DLG2: variants seen among roughly 807,000 people sequenced by gnomAD.
DLG2 encodes discs large MAGUK scaffold protein 2, also known as disks large homolog 2.
Under a neutral mutation model 132.5 loss-of-function variants are expected in DLG2, and 45 were observed. That is an observed-to-expected ratio of 0.34 (90% CI 0.27 to 0.44). The LOEUF (loss-of-function observed/expected upper bound fraction) is 0.44. Among genes scored for constraint, DLG2 ranks in the 20% least tolerant of loss-of-function variants. The pLI is 1.00. For synonymous variants in DLG2, 424 were observed against 419.6 expected, an observed-to-expected ratio of 1.01 and a Z score of -0.13; for missense variants, 1,045 against 1,196.9, an observed-to-expected ratio of 0.87 and a Z score of 1.87.
intron 7 of DLG2, among the ~76,000 whole-genome samples, chr11:84,495,804 T>C (rs2099181309): frequency 6.6e-6 from 1 of 152,194 alleles, no homozygotes; most frequent in South Asian, 2.1e-4. Flanking sequence ...CTTTGCTCAC[T>C]GAAGCAAATG....
At chr11:85,373,243 C>CCTT (rs1487419102) in intron 3 of DLG2, among the ~76,000 whole-genome samples, 1 of 152,092 alleles carries the variant, frequency 6.6e-6, no homozygotes, top group Non-Finnish European at 1.5e-5. Flanking sequence ...TTTGAGCTGT[C>CCTT]CTTAACCCTC....
At chr11:83,824,061 T>C (rs2051722349) in intron 17 of DLG2, among the ~76,000 whole-genome samples, 1 of 152,338 alleles carries the variant, frequency 6.6e-6, no homozygotes, top group Middle Eastern at 3.4e-3. Flanking sequence ...ACAAATTATT[T>C]AATTTCTCTG....
intron 19 of DLG2, among the ~76,000 whole-genome samples, chr11:83,611,736 C>T (rs2060140347): frequency 6.6e-6 from 1 of 152,200 alleles, no homozygotes; most frequent in Admixed American, 6.5e-5. Context: ...CTTAACTATT[C>T]TCTTCTTTGT....
chr11:85,427,358 G>A (rs2090839234), intron 3 of DLG2, among the ~76,000 whole-genome samples: 1 of 152,168 alleles, frequency 6.6e-6, no homozygotes, highest in Non-Finnish European at 1.5e-5. Context: ...AGGAAAAAAT[G>A]TTAAGGGCAG....
intron 6 of DLG2, among the ~76,000 whole-genome samples, chr11:84,883,222 C>T (rs1424201832): frequency 6.6e-6 from 1 of 151,986 alleles, no homozygotes; most frequent in African/African-American, 2.4e-5. Context: ...GAAAACCAAA[C>T]ACCGCATGTT....
intron 4 of DLG2, among the ~76,000 whole-genome samples, chr11:85,178,839 G>GATAA: frequency 6.6e-6 from 1 of 151,852 alleles, no homozygotes; most frequent in Non-Finnish European, 1.5e-5. Flanking sequence ...ATCTAAAATA[G>GATAA]ATAAAGAGCT....
intron 6 of DLG2, among the ~76,000 whole-genome samples, chr11:84,998,630 G>A (rs996800492): frequency 6.6e-5 from 10 of 152,048 alleles, no homozygotes; most frequent in African/African-American, 2.2e-4. Context: ...CAGTAATTTG[G>A]CACCAAGAAA....
chr11:85,106,879 C>A (rs2071843182), intron 6 of DLG2, among the ~76,000 whole-genome samples: 2 of 152,090 alleles, frequency 1.3e-5, no homozygotes, highest in East Asian at 3.9e-4. Flanking sequence ...CAAAATCCAA[C>A]TTAAGGCAAC....
At chr11:84,138,652 G>C (rs943023605) in intron 9 of DLG2, among the ~76,000 whole-genome samples, 1 of 152,074 alleles carries the variant, frequency 6.6e-6, no homozygotes, top group Admixed American at 6.5e-5. Flanking sequence ...CTACAACTAG[G>C]AAACATTCAC....
At chr11:84,843,065 T>C (rs1282686783) in intron 6 of DLG2, among the ~76,000 whole-genome samples, 3 of 151,980 alleles carry the variant, frequency 2.0e-5, no homozygotes, top group South Asian at 2.1e-4. Flanking sequence ...CTGTACAACA[T>C]AGTGCCTATA....
chr11:83,986,768 G>A (rs2093349911), intron 11 of DLG2, among the ~76,000 whole-genome samples: 1 of 152,116 alleles, frequency 6.6e-6, no homozygotes, highest in Admixed American at 6.6e-5. Context: ...GGTGTGAGAT[G>A]GTATCTCATT....
At chr11:83,964,884 G>A (rs750004456) in intron 13 of DLG2, among the ~76,000 whole-genome samples, 9 of 151,794 alleles carry the variant, frequency 5.9e-5, no homozygotes, top group Admixed American at 2.0e-4. Context: ...TCATAATTTC[G>A]CCATTCAATT....
intron 3 of DLG2, among the ~76,000 whole-genome samples, chr11:85,492,607 A>C (rs897732780): frequency 6.6e-6 from 1 of 152,208 alleles, no homozygotes; most frequent in Non-Finnish European, 1.5e-5. Context: ...TACAGAAAAT[A>C]GATTTATACA....
intron 8 of DLG2, among the ~76,000 whole-genome samples, chr11:84,169,128 TA>T (rs1168846929): frequency 1.3e-5 from 2 of 152,188 alleles, no homozygotes; most frequent in South Asian, 2.1e-4. Context: ...AGAATAGTAC[TA>T]AAAATAGTTC....
rs1174056380 is a variant in DLG2 at position 83,734,400 on chromosome 11, CTT to C, written c.1825+52288_1825+52289del. On this transcript the variant is annotated intron_variant, in intron 18 of 27. Coordinates refer to ENST00000376104, the MANE Select transcript of DLG2 (RefSeq NM_001142699.3). ...CCTTCCTTCCTTCCTTCCTTCCTTC[CTT>C]CCTTCCCTCCCTCCTTCCCTCCCTC... Among the ~76,000 whole-genome samples the C allele has an allele frequency of 2.3e-4, 33 of 144,914 alleles. 1 individual carries two copies. In the East Asian group the frequency reaches 3.0e-3, roughly 13 times the overall value.
rs59038372 is a variant in DLG2 at position 84,373,265 on chromosome 11, C to CAAAAACAAAA, written c.520-121975_520-121974insTTTTGTTTTT. 3.8e-4 allele frequency among the ~76,000 whole-genome samples: 37 copies of CAAAAACAAAA among 98,052 alleles called. 3 individuals carry two copies. The highest frequency in any genetic ancestry group is 3.6e-3 in the East Asian group (12 of 3,318). The allele number at this position is 98,052 out of a possible 152,430, so 64.3% of individuals were successfully genotyped here. A position where few individuals can be genotyped will look rare whatever the true frequency, so the allele number is the denominator to read the frequency against. On this transcript the variant is annotated intron_variant, in intron 7 of 27. Transcript: ENST00000376104. Reference sequence around the variant, plus strand: ...AGAAACAGTCAAAAAAAAAAAAAAACAAAACAAAAAAAAAACCCACCAGGC... The same window carrying CAAAAACAAAA: ...AGAAACAGTCAAAAAAAAAAAAAAACAAAAACAAAAAAAACAAAAAAAAAACCCACCAGGC...
At chr11:85,247,565 T>TA (rs570801374) in intron 4 of DLG2, among the ~76,000 whole-genome samples, 6 of 151,978 alleles carry the variant, frequency 3.9e-5, no homozygotes, top group South Asian at 4.2e-4. Context: ...AGTAATTGAA[T>TA]AAAAAAAATT....
rs142761719 is a variant in DLG2, at chr11:85,320,033, A to C, written c.41-34668T>G. Among the ~76,000 whole-genome samples the C allele has an allele frequency of 2.2e-4, 33 of 151,954 alleles. No homozygotes were observed. In the East Asian group the frequency reaches 6.0e-3, roughly 28 times the overall value. On this transcript the variant is annotated intron_variant, in intron 3 of 27. Transcript: ENST00000376104. ...TGAGATGAAGGTAGAAAAATTTCTT[A>C]AACCATGCTCTTTGAGCCTCTCATA...
At chr11:84,871,943 G>A (rs2085536168) in intron 6 of DLG2, among the ~76,000 whole-genome samples, 1 of 152,128 alleles carries the variant, frequency 6.6e-6, no homozygotes, top group South Asian at 2.1e-4. Context: ...CAGCAGTGCT[G>A]GGATTTCAAG....
Sources: gnomAD v4.1 joint callset for allele counts (sites outside exome capture counted in the v4.1 genomes callset) on GRCh38, gnomAD v4.1.1 for gene constraint, MANE v1.5 for transcripts, NCBI Gene and HGNC (gene_info 2026-07-23, HGNC 2026-07-21) for gene names.